The following JARID2 variants were observed in gnomAD, a reference collection of about 807,000 sequenced individuals.
The protein encoded by JARID2 is jumonji and AT-rich interaction domain containing 2.
A neutral mutation model predicts 125.6 loss-of-function variants in JARID2; 21 were observed. The ratio of observed to expected loss-of-function variants is 0.17; its 90% CI spans 0.12 to 0.24. JARID2 has a LOEUF of 0.24. JARID2 is among the 10% of genes least tolerant of loss of function. The pLI, the probability that JARID2 is intolerant of heterozygous loss-of-function variation, is 1.00. For missense variants in JARID2, 1,303 were observed against 1,639.6 expected (o/e 0.79, Z 3.55); for synonymous variants, 736 against 661.6 (o/e 1.11, Z -1.73).
intron 1 of JARID2, among the ~76,000 whole-genome samples, chr6:15,283,472 C>T (rs1029098981): frequency 1.4e-5 from 2 of 146,924 alleles, no homozygotes; most frequent in African/African-American, 5.1e-5. Context: ...TCCCGAGTAG[C>T]TGGGACTACA....
rs148725499 is a variant in JARID2, at chr6:15,509,374, G to A, written c.2846+920G>A. On this transcript the variant is annotated intron_variant, in intron 12 of 17. Transcript: ENST00000341776. ...TAAAATAAACAAAGTCTTAGGACTC[G>A]TGTTCTCCCTCTTTGGAGCCAGCGT... The A allele has an allele frequency of 1.2e-4, 119 of 985,178 alleles. 1 individual carries two copies. The East Asian group carries it at 0.011, about 95-fold the overall frequency. 61.0% of individuals were successfully genotyped at this position (985,178 alleles called of 1,614,324 possible).
chr6:15,379,571 T>G (rs1581478317), intron 2 of JARID2, among the ~76,000 whole-genome samples: 1 of 152,322 alleles, frequency 6.6e-6, no homozygotes, highest in East Asian at 1.9e-4. Flanking sequence ...TCATCTTAGA[T>G]CAAGTCCTTT....
At chr6:15,519,025 G>C (rs983065086) in intron 17 of JARID2, among the ~76,000 whole-genome samples, 2 of 152,288 alleles carry the variant, frequency 1.3e-5, no homozygotes, top group South Asian at 4.1e-4. Flanking sequence ...TTGTGTCTCT[G>C]GCCCTTGCAG....
At chr6:15,372,713 T>C (rs1764217452) in intron 1 of JARID2, among the ~76,000 whole-genome samples, 1 of 151,662 alleles carries the variant, frequency 6.6e-6, no homozygotes, top group South Asian at 2.1e-4. Flanking sequence ...TATTTATTTA[T>C]TTATTTTTTT....
intron 3 of JARID2, among the ~76,000 whole-genome samples, chr6:15,448,908 T>A (rs1179329418): frequency 1.3e-5 from 2 of 152,114 alleles, no homozygotes; most frequent in East Asian, 3.8e-4. Flanking sequence ...CCCAATAAAT[T>A]AGGCTTGTGT....
chr6:15,515,751 T>TAAA (rs57890964), intron 16 of JARID2, among the ~76,000 whole-genome samples: 9 of 146,084 alleles, frequency 6.2e-5, no homozygotes, highest in African/African-American at 1.8e-4. Context: ...CCTGTCTCTT[T>TAAA]AAAAAAAAAA....
chr6:15,390,841 C>T (rs945711738), intron 2 of JARID2, among the ~76,000 whole-genome samples: 1 of 152,190 alleles, frequency 6.6e-6, no homozygotes, highest in Admixed American at 6.5e-5. Context: ...ACACTGTCAT[C>T]CCTGTAAGTA....
At chr6:15,423,124 A>G (rs1175546625) in intron 3 of JARID2, among the ~76,000 whole-genome samples, 1 of 151,684 alleles carries the variant, frequency 6.6e-6, no homozygotes, top group Admixed American at 6.6e-5. Context: ...CTCAGCCTCC[A>G]AGTAGGTGGG....
chr6:15,322,254 T>A (rs963663638), intron 1 of JARID2, among the ~76,000 whole-genome samples: 9 of 152,136 alleles, frequency 5.9e-5, no homozygotes, highest in Non-Finnish European at 1.0e-4. Flanking sequence ...GCAGTAAGAG[T>A]GAGGAAAAGG....
intron 1 of JARID2, among the ~76,000 whole-genome samples, chr6:15,255,687 G>C (rs1035865532): frequency 6.6e-6 from 1 of 152,148 alleles, no homozygotes; most frequent in Non-Finnish European, 1.5e-5. Flanking sequence ...GGTGCCTGTG[G>C]GGGCAGAAAC....
At chr6:15,410,839 A>G (rs956410445) in intron 3 of JARID2, among the ~76,000 whole-genome samples, 3 of 152,184 alleles carry the variant, frequency 2.0e-5, no homozygotes, top group African/African-American at 7.2e-5. Context: ...CCAAGTTCCA[A>G]GTTAGTAGCT....
chr6:15,421,844 GGGTGCAGTT>G (rs1385390773), intron 3 of JARID2, among the ~76,000 whole-genome samples: 1 of 152,150 alleles, frequency 6.6e-6, no homozygotes, highest in Non-Finnish European at 1.5e-5. Context: ...CTGGGGGTGG[GGGTGCAGTT>G]TGAACTGGGG....
At chr6:15,385,552 A>C (rs1034396001) in intron 2 of JARID2, among the ~76,000 whole-genome samples, 1 of 151,190 alleles carries the variant, frequency 6.6e-6, no homozygotes, top group Non-Finnish European at 1.5e-5. Flanking sequence ...TATTATTTAT[A>C]TAGATAATTA....
At chr6:15,345,491 T>C (rs979117942) in intron 1 of JARID2, among the ~76,000 whole-genome samples, 2 of 152,224 alleles carry the variant, frequency 1.3e-5, no homozygotes, top group Admixed American at 6.5e-5. Flanking sequence ...TCCTTTCCTG[T>C]GTAATTGAGA....
At chr6:15,309,554 T>C (rs1761945375) in intron 1 of JARID2, among the ~76,000 whole-genome samples, 1 of 152,114 alleles carries the variant, frequency 6.6e-6, no homozygotes, top group African/African-American at 2.4e-5. Flanking sequence ...TGACATAAAA[T>C]AAGTGAAAAA....
chr6:15,351,257 G>A (rs1270339620), intron 1 of JARID2, among the ~76,000 whole-genome samples: 1 of 152,158 alleles, frequency 6.6e-6, no homozygotes, highest in Non-Finnish European at 1.5e-5. Flanking sequence ...ATAGGGTCTG[G>A]TAAAAACTTC....
chr6:15,518,760 G>C (rs1039438641), intron 17 of JARID2, among the ~76,000 whole-genome samples: 1 of 152,184 alleles, frequency 6.6e-6, no homozygotes, highest in Non-Finnish European at 1.5e-5. Flanking sequence ...GGGATTACAG[G>C]CGTGAGCCAC....
intron 2 of JARID2, among the ~76,000 whole-genome samples, chr6:15,397,757 C>T (rs1048117555): frequency 1.6e-4 from 24 of 152,194 alleles, no homozygotes; most frequent in African/African-American, 5.3e-4. Flanking sequence ...TAAATTTGAA[C>T]ATTTGCATAT....
At chr6:15,495,198 G>A (rs544163412) in intron 6 of JARID2, among the ~76,000 whole-genome samples, 1 of 152,280 alleles carries the variant, frequency 6.6e-6, no homozygotes, top group South Asian at 2.1e-4. Context: ...TGAAGCTTGT[G>A]CATTTCTAGT....
Sources: gnomAD v4.1 joint callset for allele counts (sites outside exome capture counted in the v4.1 genomes callset) on GRCh38, gnomAD v4.1.1 for gene constraint, MANE v1.5 for transcripts, NCBI Gene and HGNC (gene_info 2026-07-23, HGNC 2026-07-21) for gene names.